Variants in DHX35 observed in about 807,000 individuals in gnomAD.
The protein encoded by DHX35 is probable ATP-dependent RNA helicase DHX35.
A neutral mutation model predicts 99.6 loss-of-function variants in DHX35; 84 were observed. The ratio of observed to expected loss-of-function variants is 0.84; its 90% CI spans 0.71 to 1.01. The LOEUF (loss-of-function observed/expected upper bound fraction) is 1.01. DHX35 is among the 50% of genes least tolerant of loss of function. The pLI, the probability that DHX35 is intolerant of heterozygous loss-of-function variation, is 0.00. For synonymous variants in DHX35, 331 were observed against 316.2 expected (o/e 1.05, Z -0.50); for missense variants, 852 against 888.5 (o/e 0.96, Z 0.52).
At position 38,992,547 on chromosome 20, in the gene DHX35, A is replaced by G. The variant is rs2086356455; in HGVS notation, c.582+122A>G. 3.4e-6 allele frequency: 3 copies of G among 882,222 alleles called. No individual in the cohort carries two copies. The South Asian group carries it at 4.3e-5, about 13-fold the overall frequency. The allele number at this position is 882,222 out of a possible 1,614,324, so 54.6% of individuals were successfully genotyped here. A position where few individuals can be genotyped will look rare whatever the true frequency, so the allele number is the denominator to read the frequency against. On this transcript the variant is annotated intron_variant, in intron 7 of 21. Transcript: ENST00000252011. ...AGGAAGAAAATTAAAATCATCCATA[A>G]TCCTACCCATTCAGAGAATATCAGT...
intron 1 of DHX35, among the ~76,000 whole-genome samples, chr20:38,965,848 T>C (rs980587757): frequency 6.6e-6 from 1 of 152,214 alleles, no homozygotes; most frequent in African/African-American, 2.4e-5. Flanking sequence ...CCGAAGGGCC[T>C]GCCCATTTTC....
At chr20:39,022,153 A>G (rs2086882955) in intron 16 of DHX35, among the ~76,000 whole-genome samples, 1 of 151,966 alleles carries the variant, frequency 6.6e-6, no homozygotes, top group Non-Finnish European at 1.5e-5. Flanking sequence ...TATTATTATC[A>G]TATTTTATTT....
In DHX35 at chr20:39,025,337, A is replaced by T. The variant is rs773574617; in HGVS notation, c.1779A>T (p.Gln593His). The T allele has an allele frequency of 6.2e-7, 1 of 1,613,848 alleles. No homozygotes were observed. The highest frequency in any genetic ancestry group is 1.1e-5 in the South Asian group (1 of 91,036). The change falls in exon 18 of 22, where the codon CAA becomes CAT. Residue 593 changes from glutamine to histidine, a missense_variant. Gln to His is a conservative substitution (Grantham distance 24, BLOSUM62 0). Coordinates refer to ENST00000252011, the MANE Select transcript of DHX35 (RefSeq NM_021931.4). ...TGAAAAAGCTTCTTGTCAAGTTTCAAGTGCCCAGGAAGTCTAGTGAAGGTG... is the reference window on the plus strand; with the variant it reads ...TGAAAAAGCTTCTTGTCAAGTTTCATGTGCCCAGGAAGTCTAGTGAAGGTG... ...EQLKKLLVKF[Q>H]VPRKSSEGDP...
chr20:38,980,640 C>T (rs77539562), intron 3 of DHX35, among the ~76,000 whole-genome samples: 1,666 of 151,606 alleles, frequency 0.011, 98 homozygotes, highest in Admixed American at 0.088. Flanking sequence ...TTGTTTCTTA[C>T]AGTCATTTTC....
In DHX35 at chr20:39,006,153, T is replaced by C. The variant is rs1372047802; in HGVS notation, c.1019T>C (p.Val340Ala). 1.2e-6 allele frequency: 2 copies of C among 1,613,128 alleles called. No individual in the cohort carries two copies. The highest frequency in any genetic ancestry group is 1.7e-6 in the Non-Finnish European group (2 of 1,179,218). Residue 340 changes from valine to alanine, a missense_variant, in exon 12 of 22, where the codon GTG (valine) becomes GCG (alanine). Physicochemically the swap from Val to Ala is moderately conservative, Grantham distance 64 (BLOSUM62 0). Coordinates refer to ENST00000252011, the MANE Select transcript of DHX35 (RefSeq NM_021931.4). ...TTTCTGTGGGGAACGTAGGTGATAGTGGCCACCAATGTGGCAGAAACCTCT... is the reference window on the plus strand; with the variant it reads ...TTTCTGTGGGGAACGTAGGTGATAGCGGCCACCAATGTGGCAGAAACCTCT... ...RVSRSVRKVIVATNVAETSIT... is the reference protein window; with the variant it reads ...RVSRSVRKVIAATNVAETSIT...
intron 17 of DHX35, 67 bp downstream of exon 17, chr20:39,023,834 G>C (rs2086910342): frequency 1.5e-6 from 2 of 1,371,364 alleles, no homozygotes; most frequent in African/African-American, 2.9e-5. Flanking sequence ...CTAGGAGGGA[G>C]GATCCCAGAA....
chr20:39,035,071 TTTTTA>T (rs927066949), intron 21 of DHX35, among the ~76,000 whole-genome samples: 5 of 150,268 alleles, frequency 3.3e-5, no homozygotes, highest in African/African-American at 1.2e-4. Flanking sequence ...TCGTTTTTTA[TTTTTA>T]TTTATTTATT....
intron 3 of DHX35, among the ~76,000 whole-genome samples, chr20:38,981,163 CTGTCTTTCCCTTT>C (rs1188815200): frequency 6.6e-6 from 1 of 152,200 alleles, no homozygotes; most frequent in Non-Finnish European, 1.5e-5. Flanking sequence ...TGTGAAACTA[CTGTCTTTCCCTTT>C]TTAGTTGATA....
intron 18 of DHX35, among the ~76,000 whole-genome samples, chr20:39,026,127 C>A (rs2086953265): frequency 6.6e-6 from 1 of 152,164 alleles, no homozygotes; most frequent in Non-Finnish European, 1.5e-5. Flanking sequence ...CAGCCACATC[C>A]TCAGCACCAT....
chr20:38,973,639 T>A (rs2086034848), intron 3 of DHX35, among the ~76,000 whole-genome samples: 1 of 152,262 alleles, frequency 6.6e-6, no homozygotes, highest in African/African-American at 2.4e-5. Context: ...GTTGAATTAG[T>A]TGCAGTTTGT....
At chr20:39,025,049 G>A (rs73110693) in intron 17 of DHX35, among the ~76,000 whole-genome samples, 181 bp from the exon 18 acceptor site, 3 of 152,330 alleles carry the variant, frequency 2.0e-5, no homozygotes, top group Non-Finnish European at 4.4e-5. Context: ...AGAGCAGTCA[G>A]ATGTGTGCAA....
chr20:39,002,979 T>C, intron 10 of DHX35, 111 bp downstream of exon 10: 1 of 981,202 alleles, frequency 1.0e-6, no homozygotes, highest in East Asian at 2.6e-5. Flanking sequence ...TTGTATTTTG[T>C]GGTTCCATAA....
At chr20:38,977,415 A>G (rs554575994) in intron 3 of DHX35, among the ~76,000 whole-genome samples, 1 of 152,316 alleles carries the variant, frequency 6.6e-6, no homozygotes, top group Admixed American at 6.5e-5. Context: ...ATGTCTATTC[A>G]GGTCTTTTGC....
At chr20:38,977,911 T>A (rs1275560444) in intron 3 of DHX35, 1 of 586,054 alleles carries the variant, frequency 1.7e-6, no homozygotes, top group African/African-American at 1.9e-5. Flanking sequence ...TTCTTCAGTT[T>A]CCTCATCATC....
chr20:38,973,551 G>A (rs2086033183), intron 3 of DHX35, among the ~76,000 whole-genome samples: 1 of 152,162 alleles, frequency 6.6e-6, no homozygotes, highest in South Asian at 2.1e-4. Flanking sequence ...TCATAAATTA[G>A]TTTTGCGTAT....
chr20:39,038,294 G>A (rs1286510873), intron 21 of DHX35, among the ~76,000 whole-genome samples: 1 of 152,236 alleles, frequency 6.6e-6, no homozygotes, highest in Non-Finnish European at 1.5e-5. Context: ...TGGGCCTCGG[G>A]TTGCTGGCGG....
intron 20 of DHX35, among the ~76,000 whole-genome samples, chr20:39,031,364 C>T (rs1297322311): frequency 9.3e-5 from 13 of 139,882 alleles, no homozygotes; most frequent in East Asian, 2.1e-4. Flanking sequence ...GACAGAGTTT[C>T]GCTCTGTCGC....
At chr20:38,988,957 A>G in intron 5 of DHX35, 40 bp downstream of exon 5, 1 of 1,601,116 alleles carries the variant, frequency 6.2e-7, no homozygotes, top group Non-Finnish European at 8.5e-7. Flanking sequence ...GAAATAAGGA[A>G]GAAGGTTATT....
intron 3 of DHX35, among the ~76,000 whole-genome samples, chr20:38,977,538 A>G (rs1438644528): frequency 3.9e-5 from 6 of 152,146 alleles, no homozygotes; most frequent in Non-Finnish European, 8.8e-5. Context: ...ATGTCCTATC[A>G]TGACATTCCA....
Sources: allele counts gnomAD v4.1 joint callset (sites outside exome capture counted in the v4.1 genomes callset), GRCh38; gene constraint gnomAD v4.1.1; transcripts MANE v1.5; gene names NCBI Gene and HGNC (gene_info 2026-07-23, HGNC 2026-07-21).